Variants in KCNIP4 observed in about 807,000 individuals in gnomAD.
KCNIP4 encodes potassium voltage-gated channel interacting protein 4.
A neutral mutation model predicts 34.0 loss-of-function variants in KCNIP4; 12 were observed. The ratio of observed to expected loss-of-function variants is 0.35; its 90% CI spans 0.23 to 0.57. The LOEUF is 0.57. Ranked by LOEUF, KCNIP4 falls within the 20% of genes least tolerant of loss-of-function variation. The pLI is 0.83. For missense variants in KCNIP4, 238 were observed against 311.7 expected (o/e 0.76, Z 1.78); for synonymous variants, 124 against 102.2 (o/e 1.21, Z -1.29).
rs1003478229 is a variant in KCNIP4 at position 21,589,331 on chromosome 4, T to C, written c.61+359240A>G. On this transcript the variant is annotated intron_variant, in intron 1 of 8. Transcript: ENST00000382152. The stretch of plus-strand genomic sequence containing the variant: ...ATATATACATGTACATATACACGTG[T>C]ATATATATACATGTGTATGTATATA... Among the ~76,000 whole-genome samples the C allele has an allele frequency of 5.4e-5, 8 of 147,318 alleles. No homozygotes were observed. The East Asian group carries it at 1.2e-3, about 22-fold the overall frequency.
intron 1 of KCNIP4, among the ~76,000 whole-genome samples, chr4:21,354,840 T>C (rs1219594579): frequency 6.6e-6 from 1 of 152,164 alleles, no homozygotes; most frequent in Non-Finnish European, 1.5e-5. Flanking sequence ...ATCAACAGAA[T>C]ATACATTCTT....
intron 1 of KCNIP4, among the ~76,000 whole-genome samples, chr4:21,840,932 C>T (rs1029418678): frequency 2.6e-5 from 4 of 152,172 alleles, no homozygotes; most frequent in Non-Finnish European, 5.9e-5. Context: ...GTTTCTATTG[C>T]TGACAACCAA....
At chr4:20,734,767 A>T in intron 5 of KCNIP4, 32 bp from the exon 6 acceptor site, 1 of 1,337,202 alleles carries the variant, frequency 7.5e-7, no homozygotes, top group South Asian at 1.3e-5. Context: ...ATTTTATATG[A>T]CATTTTTAAA....
chr4:20,918,433 G>C (rs1008072278), intron 1 of KCNIP4, among the ~76,000 whole-genome samples: 2 of 152,064 alleles, frequency 1.3e-5, no homozygotes, highest in African/African-American at 4.8e-5. Context: ...TAGATGGTGT[G>C]GATTAATGTC....
chr4:21,219,317 A>T (rs1452651166), intron 1 of KCNIP4, among the ~76,000 whole-genome samples: 5 of 152,212 alleles, frequency 3.3e-5, no homozygotes, highest in African/African-American at 1.2e-4. Context: ...AATGACAGAG[A>T]TTGGAGACCC....
At chr4:21,457,564 G>T (rs1331322747) in intron 1 of KCNIP4, among the ~76,000 whole-genome samples, 1 of 151,778 alleles carries the variant, frequency 6.6e-6, no homozygotes, top group African/African-American at 2.4e-5. Context: ...GGGAGTGGTG[G>T]GACTAGAAAA....
At chr4:21,370,882 C>CACACACACGTGTGTGT (rs367553482) in intron 1 of KCNIP4, among the ~76,000 whole-genome samples, 1 of 39,394 alleles carries the variant, frequency 2.5e-5, no homozygotes, top group South Asian at 1.2e-3. Context: ...CACACACACA[C>CACACACACGTGTGTGT]GTGTGTGTGT....
chr4:21,928,351 GTTA>G (rs1729385761), intron 1 of KCNIP4, among the ~76,000 whole-genome samples: 1 of 152,020 alleles, frequency 6.6e-6, no homozygotes, highest in African/African-American at 2.4e-5. Flanking sequence ...GCCATGGTGG[GTTA>G]TTAACATACA....
At chr4:21,114,533 TAAAAC>T (rs1032162741) in intron 1 of KCNIP4, among the ~76,000 whole-genome samples, 13 of 152,140 alleles carry the variant, frequency 8.5e-5, no homozygotes, top group East Asian at 1.9e-4. Context: ...AAATAAAAAA[TAAAAC>T]AAAAAACTTT....
chr4:21,111,897 A>AAAG (rs1749207425), intron 1 of KCNIP4, among the ~76,000 whole-genome samples: 1 of 152,222 alleles, frequency 6.6e-6, no homozygotes, highest in African/African-American at 2.4e-5. Flanking sequence ...AGAAGGGAAA[A>AAAG]GAGGAACATG....
chr4:21,711,817 G>A (rs1713751167), intron 1 of KCNIP4, among the ~76,000 whole-genome samples: 1 of 152,108 alleles, frequency 6.6e-6, no homozygotes, highest in South Asian at 2.1e-4. Flanking sequence ...ATTCTCTATG[G>A]GAAAGGCACC....
chr4:21,866,932 C>T (rs1449380016), intron 1 of KCNIP4, among the ~76,000 whole-genome samples: 2 of 151,972 alleles, frequency 1.3e-5, no homozygotes, highest in South Asian at 2.1e-4. Context: ...CCACCATGCT[C>T]AGCTAATTTT....
In KCNIP4 at chr4:21,172,794, C is replaced by T. The variant is rs114814248; in HGVS notation, c.62-290085G>A. Among the ~76,000 whole-genome samples, 1,083 of 152,232 alleles carry T rather than the reference C, an allele frequency of 7.1e-3. 20 individuals carry two copies. The highest frequency in any genetic ancestry group is 0.025 in the African/African-American group (1,024 of 41,532). The stretch of plus-strand genomic sequence containing the variant: ...GACTTTGAACCATAGGTGTGCTTAC[C>T]CTTATCTATAAGTCAATCAGGCTTC... On this transcript the variant is annotated intron_variant, in intron 1 of 8. Coordinates refer to ENST00000382152, the MANE Select transcript of KCNIP4 (RefSeq NM_025221.6).
intron 1 of KCNIP4, among the ~76,000 whole-genome samples, chr4:20,900,900 T>C (rs1254979756): frequency 2.0e-5 from 3 of 152,196 alleles, no homozygotes; most frequent in Non-Finnish European, 4.4e-5. Flanking sequence ...TAGGAAGCTT[T>C]TGAAAATGAC....
chr4:20,842,226 T>C (rs1442140667), intron 3 of KCNIP4, among the ~76,000 whole-genome samples: 6 of 151,972 alleles, frequency 3.9e-5, no homozygotes, highest in Non-Finnish European at 7.4e-5. Context: ...TGAAAAAATA[T>C]ATTGAAAGGA....
At chr4:20,850,215 T>C (rs570867750) in intron 3 of KCNIP4, 3 of 178,912 alleles carry the variant, frequency 1.7e-5, no homozygotes, top group Non-Finnish European at 3.6e-5. Flanking sequence ...AGCACCAGCC[T>C]GTATTTAAAA....
At chr4:21,120,190 T>C (rs1306691508) in intron 1 of KCNIP4, among the ~76,000 whole-genome samples, 1 of 131,922 alleles carries the variant, frequency 7.6e-6, no homozygotes, top group East Asian at 2.3e-4. Flanking sequence ...CTAAAGTCCT[T>C]ACGAAGAAAC....
chr4:21,567,125 A>C (rs555929752), intron 1 of KCNIP4, among the ~76,000 whole-genome samples: 10 of 152,268 alleles, frequency 6.6e-5, no homozygotes, highest in Admixed American at 6.5e-4. Flanking sequence ...ACTATGACAA[A>C]GATAGTTAAT....
intron 1 of KCNIP4, among the ~76,000 whole-genome samples, chr4:21,513,689 G>T (rs1349488807): frequency 2.0e-5 from 3 of 152,178 alleles, no homozygotes; most frequent in African/African-American, 7.2e-5. Context: ...TGTGCTAAAT[G>T]CTCAATACAT....
Sources: allele counts gnomAD v4.1 joint callset (sites outside exome capture counted in the v4.1 genomes callset), GRCh38; gene constraint gnomAD v4.1.1; transcripts MANE v1.5; gene names NCBI Gene and HGNC (gene_info 2026-07-23, HGNC 2026-07-21).